ACSBG2: variants seen among roughly 807,000 people sequenced by gnomAD.
ACSBG2 encodes the protein acyl-CoA synthetase bubblegum family member 2, also known as long-chain-fatty-acid--CoA ligase ACSBG2.
A neutral mutation model predicts 74.7 loss-of-function variants in ACSBG2; 62 were observed. That is an observed-to-expected ratio of 0.83 (90% confidence interval 0.68 to 1.03). The LOEUF (loss-of-function observed/expected upper bound fraction) is 1.03, where lower values mean the gene tolerates loss of function less well. ACSBG2 is among the 50% of genes least tolerant of loss of function. The pLI is 0.00. For synonymous variants in ACSBG2, 309 were observed against 294.1 expected (o/e 1.05, Z -0.52); for missense variants, 730 against 817.6 (o/e 0.89, Z 1.31).
intron 5 of ACSBG2, among the ~76,000 whole-genome samples, chr19:6,160,385 G>C (rs1357262857): frequency 7.8e-6 from 1 of 128,310 alleles, no homozygotes; most frequent in Non-Finnish European, 1.6e-5. Context: ...GTGAGACTCC[G>C]TCTCAAAAAA....
chr19:6,141,400 G>A (rs950871951), intron 1 of ACSBG2, 113 bp from the exon 2 acceptor site: 14 of 641,910 alleles, frequency 2.2e-5, no homozygotes, highest in Non-Finnish European at 3.4e-5. Context: ...GGACAGGCAT[G>A]ACCAATGGAT....
chr19:6,152,718 G>A (rs986829643), intron 4 of ACSBG2, among the ~76,000 whole-genome samples: 29 of 152,106 alleles, frequency 1.9e-4, no homozygotes, highest in African/African-American at 7.0e-4. Flanking sequence ...ATATATTTTG[G>A]CTTATGCACA....
In ACSBG2 at chr19:6,180,153, A is replaced by C. The variant is rs553938222; in HGVS notation, c.907-2598A>C. Among the ~76,000 whole-genome samples, 2 of 152,120 alleles carry C rather than the reference A, an allele frequency of 1.3e-5. No individual in the cohort carries two copies. Among genetic ancestry groups the C allele is most frequent in the Non-Finnish European group, 2.9e-5 (2 of 68,008 alleles). The stretch of plus-strand genomic sequence containing the variant: ...ACCCTGTGATGACATTGGGCCACCC[A>C]GATCATCCAGGATGATCTCCCATCT... On this transcript the variant is annotated intron_variant, in intron 8 of 14. Coordinates refer to ENST00000588485, the MANE Select transcript of ACSBG2 (RefSeq NM_030924.5). This position sits in a 1 kb window ranked among gnomAD's most constrained non-coding sequence, Gnocchi z 4.3.
At chr19:6,144,005 GT>G (rs2088940835) in intron 2 of ACSBG2, among the ~76,000 whole-genome samples, 1 of 151,924 alleles carries the variant, frequency 6.6e-6, no homozygotes, top group African/African-American at 2.4e-5. Flanking sequence ...TAGTTTGTTT[GT>G]TTGGTTTTTG....
intron 8 of ACSBG2, among the ~76,000 whole-genome samples, chr19:6,178,060 A>C (rs557728121): frequency 6.6e-6 from 1 of 152,096 alleles, no homozygotes; most frequent in Non-Finnish European, 1.5e-5. Flanking sequence ...TAGAATTTTT[A>C]TACCACCTTT....
At chr19:6,159,757 G>C (rs747120020) in intron 5 of ACSBG2, among the ~76,000 whole-genome samples, 1 of 152,022 alleles carries the variant, frequency 6.6e-6, no homozygotes, top group Non-Finnish European at 1.5e-5. Context: ...CCTCATCTTT[G>C]CCTCCAAGGC....
In ACSBG2 at chr19:6,187,392, G is replaced by T. The variant is rs751224846; in HGVS notation, c.1650G>T (p.Leu550=). The change falls in exon 12 of 15, where the codon CTG becomes CTT. Residue 550 remains leucine, a synonymous_variant. Transcript: ENST00000588485. ...ISNAMLVGDK[L]KFLSMLLTLK... is the part of the protein sequence containing the mutation. ...ACGCCATGTTAGTAGGAGATAAACT[G>T]AAGTTTCTGAGCATGTTGCTGACGC... The T allele has an allele frequency of 6.2e-7, 1 of 1,614,174 alleles. No individual in the cohort carries two copies. Among genetic ancestry groups the T allele is most frequent in the Non-Finnish European group, 8.5e-7 (1 of 1,180,042 alleles).
At chr19:6,169,747 T>C (rs58628974) in intron 7 of ACSBG2, among the ~76,000 whole-genome samples, 3,519 of 152,314 alleles carry the variant, frequency 0.023, 120 homozygotes, top group African/African-American at 0.076. Context: ...TCATCTGTGA[T>C]TTCTTTCATC....
intron 7 of ACSBG2, chr19:6,175,401 A>C (rs1052381828): frequency 6.6e-6 from 1 of 152,260 alleles, no homozygotes; most frequent in Non-Finnish European, 1.5e-5. Context: ...AGAAATGAAC[A>C]AATGAAAACA....
chr19:6,144,631 T>C (rs2088963279), intron 2 of ACSBG2, among the ~76,000 whole-genome samples: 1 of 152,192 alleles, frequency 6.6e-6, no homozygotes, highest in African/African-American at 2.4e-5. Context: ...CACTTTGTTA[T>C]TGCAGTCCTA....
chr19:6,181,813 GC>G (rs60054737), intron 8 of ACSBG2, among the ~76,000 whole-genome samples: 24,513 of 54,430 alleles, frequency 0.45, 5,199 homozygotes, highest in Middle Eastern at 0.54. Context: ...GTCCCCACCC[GC>G]CCCCCCCCCC....
intron 12 of ACSBG2, 44 bp from the exon 13 acceptor site, chr19:6,187,555 G>A (rs374119122): frequency 1.2e-6 from 2 of 1,611,124 alleles, no homozygotes; most frequent in African/African-American, 2.7e-5. Context: ...GGGGAGGGGT[G>A]CTGGTCAAGG....
intron 2 of ACSBG2, among the ~76,000 whole-genome samples, chr19:6,143,763 C>T (rs1041744735): frequency 6.6e-6 from 1 of 152,096 alleles, no homozygotes; most frequent in Non-Finnish European, 1.5e-5. Flanking sequence ...TCTTTGTGAG[C>T]TGGTGCTGAC....
intron 2 of ACSBG2, among the ~76,000 whole-genome samples, chr19:6,145,021 T>C (rs1218597923): frequency 6.6e-6 from 1 of 151,906 alleles, no homozygotes; most frequent in African/African-American, 2.4e-5. Flanking sequence ...AACATACATC[T>C]CCAGTCCTTG....
intron 5 of ACSBG2, among the ~76,000 whole-genome samples, chr19:6,158,290 C>A (rs1413339345): frequency 3.3e-5 from 5 of 152,032 alleles, no homozygotes; most frequent in Non-Finnish European, 7.4e-5. Context: ...ATCTCCTGAC[C>A]TCGTGATCTG....
At chr19:6,144,975 G>C (rs1410047365) in intron 2 of ACSBG2, among the ~76,000 whole-genome samples, 1 of 152,050 alleles carries the variant, frequency 6.6e-6, no homozygotes, top group African/African-American at 2.4e-5. Context: ...GGGATTACAG[G>C]CATGAACCAG....
At chr19:6,176,515 C>A in intron 7 of ACSBG2, 1 of 658,292 alleles carries the variant, frequency 1.5e-6, no homozygotes, top group Non-Finnish European at 2.3e-6. Context: ...CACACACGCA[C>A]TCAGCCAGAC....
chr19:6,183,402 C>A, intron 10 of ACSBG2, 130 bp downstream of exon 10: 1 of 777,400 alleles, frequency 1.3e-6, no homozygotes, highest in Non-Finnish European at 2.0e-6. Context: ...TCCTGTTCTC[C>A]AGCCTCCAAG....
intron 10 of ACSBG2, among the ~76,000 whole-genome samples, chr19:6,184,110 A>G (rs963560907): frequency 6.6e-6 from 1 of 152,128 alleles, no homozygotes; most frequent in African/African-American, 2.4e-5. Context: ...CATACATTTA[A>G]AAGTCATTTG....
Sources: gnomAD v4.1 joint callset for allele counts (sites outside exome capture counted in the v4.1 genomes callset) on GRCh38, gnomAD v4.1.1 for gene constraint, Gnocchi (gnomAD v3.1) non-coding constraint, MANE v1.5 for transcripts, NCBI Gene and HGNC (gene_info 2026-07-23, HGNC 2026-07-21) for gene names.